The following GRM8 variants were observed in gnomAD, a reference collection of about 807,000 sequenced individuals.
GRM8 encodes metabotropic glutamate receptor 8.
In GRM8, 47 loss-of-function variants were observed where a neutral mutation model predicts 87.2. The observed-to-expected ratio is 0.54, with a 90% CI of 0.43 to 0.69. GRM8 has a LOEUF of 0.69. GRM8 is among the 30% of genes least tolerant of loss of function. The pLI, the probability that GRM8 is intolerant of heterozygous loss-of-function variation, is 0.00. For missense variants in GRM8, 1,019 were observed against 1,139.2 expected (o/e 0.89, Z 1.52); for synonymous variants, 396 against 404.5 (o/e 0.98, Z 0.25).
chr7:127,088,142 G>C (rs1823697453), intron 3 of GRM8, among the ~76,000 whole-genome samples: 1 of 152,200 alleles, frequency 6.6e-6, no homozygotes, highest in Non-Finnish European at 1.5e-5. Flanking sequence ...CAATTAGCTA[G>C]TGGTCAGAGT....
chr7:126,968,034 A>T (rs1400505871), intron 3 of GRM8, among the ~76,000 whole-genome samples: 1 of 152,238 alleles, frequency 6.6e-6, no homozygotes, highest in Non-Finnish European at 1.5e-5. Flanking sequence ...TGTACACGAT[A>T]CATATGCAGA....
intron 7 of GRM8, among the ~76,000 whole-genome samples, chr7:126,732,281 A>G (rs1813693408): frequency 6.6e-6 from 1 of 152,162 alleles, no homozygotes; most frequent in East Asian, 1.9e-4. Context: ...CATCTGTTAT[A>G]AAAGTTAAAA....
At chr7:126,519,085 AC>A (rs758564932) in intron 9 of GRM8, among the ~76,000 whole-genome samples, 10 of 152,078 alleles carry the variant, frequency 6.6e-5, no homozygotes, top group Non-Finnish European at 1.0e-4. Context: ...AAAACCTTGT[AC>A]TTGAAAACTA....
chr7:127,147,533 C>G (rs1021482573), intron 2 of GRM8, among the ~76,000 whole-genome samples: 38 of 152,168 alleles, frequency 2.5e-4, no homozygotes, highest in Middle Eastern at 3.4e-3. Context: ...CCCCCACTCA[C>G]CTTGCTTCAG....
At chr7:126,997,127 C>A (rs1477789343) in intron 3 of GRM8, among the ~76,000 whole-genome samples, 2 of 148,958 alleles carry the variant, frequency 1.3e-5, no homozygotes, top group African/African-American at 5.0e-5. Flanking sequence ...AACTACCCAT[C>A]AGTAACAACA....
At chr7:126,591,480 A>G (rs1796660258) in intron 8 of GRM8, among the ~76,000 whole-genome samples, 2 of 152,118 alleles carry the variant, frequency 1.3e-5, no homozygotes, top group Non-Finnish European at 2.9e-5. Context: ...CAAGACAGAA[A>G]GTCAACAAAG....
At chr7:126,719,448 C>T (rs539492518) in intron 7 of GRM8, among the ~76,000 whole-genome samples, 1 of 152,270 alleles carries the variant, frequency 6.6e-6, no homozygotes, top group African/African-American at 2.4e-5. Context: ...ATTCCAGTAA[C>T]TGGGTAGGTC....
intron 2 of GRM8, among the ~76,000 whole-genome samples, chr7:127,120,983 T>A (rs2133179279): frequency 6.6e-6 from 1 of 152,354 alleles, no homozygotes; most frequent in African/African-American, 2.4e-5. Flanking sequence ...TTAAATATAT[T>A]TCTTACTTAT....
rs34193510 is a variant in GRM8 at position 126,719,851 on chromosome 7, GAA to G, written c.1357+50012_1357+50013del. Among the ~76,000 whole-genome samples, 494 of 111,980 alleles carry G rather than the reference GAA, an allele frequency of 4.4e-3. 4 individuals are homozygous for G. The highest frequency in any genetic ancestry group is 0.014 in the East Asian group (58 of 4,194). 73.5% of individuals were successfully genotyped at this position (111,980 alleles called of 152,430 possible). On this transcript the variant is annotated intron_variant, in intron 7 of 10. Coordinates refer to ENST00000339582, the MANE Select transcript of GRM8 (RefSeq NM_000845.3). The stretch of plus-strand genomic sequence containing the variant: ...AGTTTAAAAGATAGTCTTTAGTCTT[GAA>G]AAAAAAAAAAAAGAAATACAAGGTA...
chr7:126,816,806 A>G (rs1365504028), intron 6 of GRM8, among the ~76,000 whole-genome samples: 1 of 151,778 alleles, frequency 6.6e-6, no homozygotes, highest in Non-Finnish European at 1.5e-5. Flanking sequence ...ACAGAGGTAC[A>G]CAAATAGTAT....
At chr7:126,791,252 T>C (rs528900911) in intron 6 of GRM8, among the ~76,000 whole-genome samples, 24 of 152,324 alleles carry the variant, frequency 1.6e-4, no homozygotes, top group African/African-American at 5.5e-4. Flanking sequence ...TAATTTGAGA[T>C]GTCATGCTTA....
At chr7:126,937,207 C>T (rs573405040) in intron 3 of GRM8, among the ~76,000 whole-genome samples, 6 of 152,264 alleles carry the variant, frequency 3.9e-5, no homozygotes, top group South Asian at 2.1e-4. Context: ...ATTTCCCATT[C>T]GAGCCTATTG....
intron 9 of GRM8, among the ~76,000 whole-genome samples, chr7:126,492,227 CT>C (rs894104622): frequency 2.6e-5 from 4 of 151,592 alleles, no homozygotes; most frequent in Non-Finnish European, 5.9e-5. Flanking sequence ...ATTTTTGTAT[CT>C]TTTTTAGAGA....
intron 3 of GRM8, among the ~76,000 whole-genome samples, chr7:127,099,132 C>G (rs139399946): frequency 6.6e-4 from 100 of 152,214 alleles, no homozygotes; most frequent in African/African-American, 2.1e-3. Context: ...CATGAGCCAC[C>G]AGGCCCAGAG....
chr7:126,978,409 C>T (rs1811217553), intron 3 of GRM8, among the ~76,000 whole-genome samples: 2 of 152,158 alleles, frequency 1.3e-5, no homozygotes, highest in African/African-American at 2.4e-5. Context: ...CCTCGAAGTA[C>T]TTGAGCATAT....
intron 3 of GRM8, among the ~76,000 whole-genome samples, chr7:126,930,319 A>G (rs1805627920): frequency 6.6e-6 from 1 of 152,230 alleles, no homozygotes; most frequent in South Asian, 2.1e-4. Flanking sequence ...CATGAGCTAT[A>G]TGAGCTAGCA....
At chr7:126,980,866 A>G (rs1219461074) in intron 3 of GRM8, 1 of 152,214 alleles carries the variant, frequency 6.6e-6, no homozygotes, top group African/African-American at 2.4e-5. Flanking sequence ...ACACTAAATC[A>G]CAACTACTTT....
At chr7:126,895,721 C>G (rs1469787358) in intron 6 of GRM8, among the ~76,000 whole-genome samples, 3 of 151,920 alleles carry the variant, frequency 2.0e-5, no homozygotes, top group Non-Finnish European at 4.4e-5. Context: ...TAGGTCTACT[C>G]TTATACAAGG....
chr7:127,023,999 G>A (rs189816948), intron 3 of GRM8, among the ~76,000 whole-genome samples: 47 of 152,192 alleles, frequency 3.1e-4, no homozygotes, highest in Middle Eastern at 6.8e-3. Flanking sequence ...ACTATTTCAC[G>A]TGTTCCTTTT....
Sources: allele counts gnomAD v4.1 joint callset (sites outside exome capture counted in the v4.1 genomes callset), GRCh38; gene constraint gnomAD v4.1.1; transcripts MANE v1.5; gene names NCBI Gene and HGNC (gene_info 2026-07-23, HGNC 2026-07-21).